FMN2: variants seen among roughly 807,000 people sequenced by gnomAD.
The protein encoded by FMN2 is formin 2, also known as formin-2.
FMN2 carries 51 observed loss-of-function variants against 142.3 expected under a neutral mutation model. That is an observed-to-expected ratio of 0.36 (90% CI 0.29 to 0.45). The LOEUF (loss-of-function observed/expected upper bound fraction) is 0.45, where lower values mean the gene tolerates loss of function less well. Among genes scored for constraint, FMN2 ranks in the 20% least tolerant of loss-of-function variants. The probability of loss-of-function intolerance (pLI) is 1.00; values close to 1 mark genes in which losing one functional copy is unlikely to be tolerated. For synonymous variants in FMN2, 882 were observed against 869.8 expected (o/e 1.01, Z -0.25); for missense variants, 1,936 against 2,122.8 (o/e 0.91, Z 1.73).
intron 6 of FMN2, among the ~76,000 whole-genome samples, chr1:240,231,579 A>G (rs12037713): frequency 0.66 from 100,336 of 152,048 alleles, 33,891 homozygotes; most frequent in African/African-American, 0.76. Flanking sequence ...AGGCATAGAA[A>G]TTTGAGGGCC....
chr1:240,092,985 A>T lies in FMN2; in HGVS notation c.876A>T (p.Gln292His). ...CCGCCGAGCCCCGGGAGCCCCAGCA[A>T]CCGCCGTCCCCCGGCGGCCTCCCGG... ...SLAAEPREPQ[Q>H]PPSPGGLPVS... Residue 292 changes from glutamine (Q) to histidine (H), a missense_variant, in exon 1 of 18, where the codon CAA becomes CAT. Physicochemically the swap from Gln to His is conservative, Grantham distance 24 (BLOSUM62 0). Transcript: ENST00000319653. 7.1e-7 allele frequency: 1 copy of T among 1,403,126 alleles called. No individual in the cohort carries two copies. Among genetic ancestry groups the T allele is most frequent in the Non-Finnish European group, 9.2e-7 (1 of 1,087,798 alleles). The allele number at this position is 1,403,126 out of a possible 1,614,324, so 86.9% of individuals were successfully genotyped here. A position where few individuals can be genotyped will look rare whatever the true frequency, so the allele number is the denominator to read the frequency against.
At chr1:240,184,149 C>T (rs1242453346) in intron 3 of FMN2, among the ~76,000 whole-genome samples, 1 of 150,874 alleles carries the variant, frequency 6.6e-6, no homozygotes, top group African/African-American at 2.4e-5. Context: ...AGAGGTCAGT[C>T]CTGAAACATT....
intron 6 of FMN2, among the ~76,000 whole-genome samples, chr1:240,253,650 G>A (rs1668354473): frequency 6.6e-6 from 1 of 152,140 alleles, no homozygotes; most frequent in South Asian, 2.1e-4. Context: ...ATTTGGAGGT[G>A]TAATATCTCT....
chr1:240,177,700 A>G, intron 2 of FMN2: 1 of 336,000 alleles, frequency 3.0e-6, no homozygotes, highest in Non-Finnish European at 5.3e-6. Flanking sequence ...TATAGAAATG[A>G]AGTTGAGGCA....
chr1:240,322,693 C>T (rs1383260173), intron 8 of FMN2, among the ~76,000 whole-genome samples: 1 of 152,132 alleles, frequency 6.6e-6, no homozygotes, highest in Non-Finnish European at 1.5e-5. Flanking sequence ...ATGAGCCTTT[C>T]AGACCGAGGA....
At chr1:240,417,687 C>T (rs1674622131) in intron 15 of FMN2, among the ~76,000 whole-genome samples, 1 of 150,628 alleles carries the variant, frequency 6.6e-6, no homozygotes, top group Non-Finnish European at 1.5e-5. Flanking sequence ...TCTATTAAGA[C>T]TCTTCATATT....
intron 15 of FMN2, among the ~76,000 whole-genome samples, chr1:240,422,064 T>G (rs559050837): frequency 1.3e-5 from 2 of 152,270 alleles, no homozygotes; most frequent in South Asian, 4.1e-4. Flanking sequence ...GTTGGCTATA[T>G]TTTTATGAGT....
intron 14 of FMN2, among the ~76,000 whole-genome samples, chr1:240,367,856 G>T (rs1672735237): frequency 6.7e-6 from 1 of 149,548 alleles, no homozygotes; most frequent in South Asian, 2.1e-4. Flanking sequence ...AAATTTTATA[G>T]TTTTGCTTTC....
intron 15 of FMN2, among the ~76,000 whole-genome samples, chr1:240,430,134 C>T (rs1045236211): frequency 6.6e-6 from 1 of 152,058 alleles, no homozygotes; most frequent in Non-Finnish European, 1.5e-5. Flanking sequence ...GATCCGCCCG[C>T]CTCGGCCTCC....
At chr1:240,180,134 T>C (rs1003248218) in intron 3 of FMN2, 21 of 1,257,556 alleles carry the variant, frequency 1.7e-5, no homozygotes, top group Non-Finnish European at 2.0e-5. Context: ...TTTAATGAAA[T>C]AACTTGTCTC....
chr1:240,464,597 G>A (rs1444347586), intron 16 of FMN2, among the ~76,000 whole-genome samples: 3 of 152,134 alleles, frequency 2.0e-5, no homozygotes, highest in African/African-American at 4.8e-5. Context: ...TGAATAGTCT[G>A]TAAAATTCGG....
At chr1:240,199,975 T>A (rs1666066722) in intron 4 of FMN2, among the ~76,000 whole-genome samples, 1 of 152,172 alleles carries the variant, frequency 6.6e-6, no homozygotes, top group Non-Finnish European at 1.5e-5. Flanking sequence ...AAATGCTGAG[T>A]GAGAGTCTTT....
intron 14 of FMN2, among the ~76,000 whole-genome samples, chr1:240,365,236 TACAC>T (rs1325320056): frequency 5.6e-5 from 7 of 125,988 alleles, no homozygotes; most frequent in African/African-American, 2.5e-4. Flanking sequence ...CACATATATA[TACAC>T]ATATACATAC....
At chr1:240,459,714 C>T (rs1490428739) in intron 16 of FMN2, among the ~76,000 whole-genome samples, 2 of 55,382 alleles carry the variant, frequency 3.6e-5, no homozygotes, top group Admixed American at 3.2e-4. Flanking sequence ...AAGACTCTGT[C>T]TCTAAAAAAA....
At chr1:240,226,809 G>GACAC (rs35315482) in intron 6 of FMN2, among the ~76,000 whole-genome samples, 93 of 149,638 alleles carry the variant, frequency 6.2e-4, no homozygotes, top group South Asian at 5.1e-3. Context: ...ACACTTTAGT[G>GACAC]ACACACACAC....
At chr1:240,290,778 T>TG (rs1669752543) in intron 7 of FMN2, among the ~76,000 whole-genome samples, 3 of 136,696 alleles carry the variant, frequency 2.2e-5, no homozygotes, top group African/African-American at 8.1e-5. Context: ...TCTGTTTGTT[T>TG]GGTTTTTTTT....
chr1:240,357,524 A>C (rs1002017420), intron 14 of FMN2, among the ~76,000 whole-genome samples: 1 of 152,110 alleles, frequency 6.6e-6, no homozygotes, highest in African/African-American at 2.4e-5. Context: ...GGATTTGTCT[A>C]GTAGTTCCCT....
chr1:240,168,654 A>G (rs1481370021), intron 2 of FMN2, among the ~76,000 whole-genome samples: 1 of 152,138 alleles, frequency 6.6e-6, no homozygotes, highest in Non-Finnish European at 1.5e-5. Flanking sequence ...GTTTATTGCT[A>G]CCTAGTCCAA....
intron 16 of FMN2, among the ~76,000 whole-genome samples, chr1:240,465,370 G>A (rs1323501930): frequency 7.3e-6 from 1 of 136,688 alleles, no homozygotes; most frequent in Non-Finnish European, 1.6e-5. Context: ...GTGTGTGTGT[G>A]TGTGTGTGTG....
Sources: allele counts gnomAD v4.1 joint callset (sites outside exome capture counted in the v4.1 genomes callset), GRCh38; gene constraint gnomAD v4.1.1; transcripts MANE v1.5; gene names NCBI Gene and HGNC (gene_info 2026-07-23, HGNC 2026-07-21).